EYS: variants seen among roughly 807,000 people sequenced by gnomAD.
EYS encodes the protein EGF-like photoreceptor maintenance factor.
In EYS, 250 loss-of-function variants were observed where a neutral mutation model predicts 282.1. That is an observed-to-expected ratio of 0.89 (90% CI 0.80 to 0.98). The LOEUF is 0.98. EYS is among the 50% of genes least tolerant of loss of function. The pLI is 0.00. For missense variants in EYS, 4,016 were observed against 3,709.0 expected (o/e 1.08, Z -2.15); for synonymous variants, 1,355 against 1,282.9 (o/e 1.06, Z -1.20).
chr6:63,885,585 C>T (rs1434903260), intron 35 of EYS, among the ~76,000 whole-genome samples: 4 of 152,096 alleles, frequency 2.6e-5, no homozygotes, highest in African/African-American at 9.7e-5. Flanking sequence ...CATATCTGAT[C>T]AAGATTTTAG....
At chr6:65,472,717 T>C (rs1486005690) in intron 5 of EYS, among the ~76,000 whole-genome samples, 2 of 152,150 alleles carry the variant, frequency 1.3e-5, no homozygotes, top group Admixed American at 6.5e-5. Flanking sequence ...TATATTTCTG[T>C]ATTTGAGAGC....
chr6:64,452,310 A>G (rs1278219293), intron 26 of EYS, among the ~76,000 whole-genome samples: 1 of 152,180 alleles, frequency 6.6e-6, no homozygotes, highest in Non-Finnish European at 1.5e-5. Flanking sequence ...AGGGATGTGA[A>G]GGACCTCTTC....
chr6:64,190,203 A>G (rs1282445470), intron 31 of EYS, among the ~76,000 whole-genome samples: 1 of 152,192 alleles, frequency 6.6e-6, no homozygotes, highest in Non-Finnish European at 1.5e-5. Context: ...ACCCCTCCAT[A>G]GGAAAGCTAA....
intron 12 of EYS, among the ~76,000 whole-genome samples, chr6:65,242,447 T>C (rs1287556005): frequency 2.0e-5 from 3 of 152,150 alleles, no homozygotes; most frequent in African/African-American, 7.2e-5. Flanking sequence ...GTGGCATGCG[T>C]CAGTATGTCA....
At chr6:64,751,005 T>A (rs1417215718) in intron 22 of EYS, among the ~76,000 whole-genome samples, 1 of 152,000 alleles carries the variant, frequency 6.6e-6, no homozygotes, top group Non-Finnish European at 1.5e-5. Flanking sequence ...TTCTTCTAGA[T>A]TAGGAGTTTA....
intron 28 of EYS, among the ~76,000 whole-genome samples, chr6:64,429,913 T>C (rs759351573): frequency 1.3e-5 from 2 of 152,222 alleles, no homozygotes; most frequent in Non-Finnish European, 2.9e-5. Flanking sequence ...TATTCCATGG[T>C]CATGTTTTTC....
At chr6:65,680,768 C>CGGAGATGTGGGG in intron 1 of EYS, among the ~76,000 whole-genome samples, 1 of 151,970 alleles carries the variant, frequency 6.6e-6, no homozygotes, top group Admixed American at 6.6e-5. Context: ...GATTCCTCAC[C>CGGAGATGTGGGG]ATCAGCAAAG....
chr6:64,575,868 C>T (rs2151996), intron 26 of EYS, among the ~76,000 whole-genome samples: 19,007 of 151,974 alleles, frequency 0.13, 1,288 homozygotes, highest in East Asian at 0.27. Flanking sequence ...TGGGGACAGG[C>T]TAACATTTAG....
At chr6:63,727,453 T>A (rs867431924) in intron 41 of EYS, among the ~76,000 whole-genome samples, 70 of 151,686 alleles carry the variant, frequency 4.6e-4, no homozygotes, top group South Asian at 1.7e-3. Flanking sequence ...TGATTTTTTT[T>A]AAAAAACTGT....
chr6:64,666,205 A>G (rs1045334469), intron 22 of EYS, among the ~76,000 whole-genome samples: 2 of 152,320 alleles, frequency 1.3e-5, no homozygotes, highest in South Asian at 4.1e-4. Context: ...GAATTTACCT[A>G]TGTAACAAAC....
intron 37 of EYS, among the ~76,000 whole-genome samples, chr6:63,794,519 T>C (rs898967771): frequency 2.0e-5 from 3 of 152,228 alleles, no homozygotes; most frequent in Admixed American, 6.5e-5. Context: ...CATCTATTTA[T>C]GTCTTATGTC....
At chr6:64,859,193 AAAAT>A (rs1202305491) in intron 19 of EYS, among the ~76,000 whole-genome samples, 1 of 148,900 alleles carries the variant, frequency 6.7e-6, no homozygotes, top group Non-Finnish European at 1.5e-5. Flanking sequence ...ATAACTACCC[AAAAT>A]AATATTTAAA....
chr6:64,634,408 C>T (rs1192811340), intron 22 of EYS, among the ~76,000 whole-genome samples: 1 of 152,102 alleles, frequency 6.6e-6, no homozygotes, highest in Non-Finnish European at 1.5e-5. Context: ...ACCTCAGAAC[C>T]ACTGATGAAC....
At chr6:64,724,230 G>A (rs1454482978) in intron 22 of EYS, among the ~76,000 whole-genome samples, 2 of 152,070 alleles carry the variant, frequency 1.3e-5, no homozygotes. Flanking sequence ...GCCACTTACA[G>A]AAAACCCAAT....
chr6:64,421,385 CA>C (rs1774228804), intron 28 of EYS, among the ~76,000 whole-genome samples: 2 of 152,210 alleles, frequency 1.3e-5, no homozygotes, highest in South Asian at 4.1e-4. Context: ...ACCTAAAATT[CA>C]AGATGAGATT....
intron 30 of EYS, among the ~76,000 whole-genome samples, chr6:64,297,674 A>T (rs1769081423): frequency 6.6e-6 from 1 of 152,194 alleles, no homozygotes; most frequent in Non-Finnish European, 1.5e-5. Context: ...TTGACAAAAC[A>T]GTCCTTTCAG....
At chr6:63,804,338 C>A (rs1770852017) in intron 37 of EYS, among the ~76,000 whole-genome samples, 2 of 152,184 alleles carry the variant, frequency 1.3e-5, no homozygotes, top group Non-Finnish European at 2.9e-5. Context: ...ATTTTAAGAG[C>A]TTCCCATGTA....
intron 31 of EYS, among the ~76,000 whole-genome samples, chr6:64,130,928 C>T (rs763900589): frequency 5.9e-5 from 9 of 152,054 alleles, no homozygotes; most frequent in South Asian, 4.2e-4. Flanking sequence ...AGTGAAGTGG[C>T]GTGATCTCAG....
rs571427901 is a variant in EYS at position 64,123,900 on chromosome 6, A to T, written c.6425-41898T>A. On this transcript the variant is annotated intron_variant, in intron 31 of 42. Transcript: ENST00000503581. ...GAGTTCCCATTTCCAGGCTCCAGTG[A>T]AAATTCTTTCCTTGGGCTCAGTACA... is the stretch of plus-strand genomic sequence containing the variant. Among the ~76,000 whole-genome samples, 168 of 152,324 alleles carry T rather than the reference A, an allele frequency of 1.1e-3. 5 individuals are homozygous for T. In the South Asian group the frequency reaches 0.035, roughly 32 times the overall value.
Sources: allele counts gnomAD v4.1 joint callset (sites outside exome capture counted in the v4.1 genomes callset), GRCh38; gene constraint gnomAD v4.1.1; transcripts MANE v1.5; gene names NCBI Gene and HGNC (gene_info 2026-07-23, HGNC 2026-07-21).